Variants in CADPS observed in about 807,000 individuals in gnomAD.
The protein encoded by CADPS is calcium-dependent secretion activator 1.
In CADPS, 57 loss-of-function variants were observed where a neutral mutation model predicts 167.3. The observed-to-expected ratio is 0.34, with a 90% CI of 0.28 to 0.42. CADPS has a LOEUF of 0.42. Among genes scored for constraint, CADPS ranks in the 20% least tolerant of loss-of-function variants. CADPS has a pLI of 1.00. For missense variants in CADPS, 1,414 were observed against 1,738.1 expected, an observed-to-expected ratio of 0.81 and a Z score of 3.32; for synonymous variants, 676 against 635.3, an observed-to-expected ratio of 1.06 and a Z score of -0.96.
In CADPS at chr3:62,478,976, G is replaced by T. The variant is rs374502906; in HGVS notation, c.3174-560C>A. On this transcript the variant is annotated intron_variant, in intron 22 of 29. Coordinates refer to ENST00000383710, the MANE Select transcript of CADPS (RefSeq NM_003716.4). This position sits in a 1 kb window ranked among gnomAD's most constrained non-coding sequence, Gnocchi z 5.7. ...AATTAGGGTGACTCAGATCAAGAGGGGTACACCTGGATACCTTGATTCCAA... is the reference window on the plus strand; with the variant it reads ...AATTAGGGTGACTCAGATCAAGAGGTGTACACCTGGATACCTTGATTCCAA... Among the ~76,000 whole-genome samples the T allele has an allele frequency of 3.3e-5, 5 of 152,274 alleles. No homozygotes were observed. In the South Asian group the frequency reaches 1.0e-3, roughly 32 times the overall value.
intron 6 of CADPS, among the ~76,000 whole-genome samples, chr3:62,637,560 C>T (rs1332078327): frequency 1.3e-5 from 2 of 152,130 alleles, no homozygotes; most frequent in African/African-American, 2.4e-5. Flanking sequence ...CTGGTGTGTG[C>T]GCCAGCACGT....
intron 3 of CADPS, among the ~76,000 whole-genome samples, chr3:62,714,353 T>C (rs747658350): frequency 7.9e-5 from 12 of 152,232 alleles, no homozygotes; most frequent in Non-Finnish European, 1.5e-4. Flanking sequence ...CTGGGTACTG[T>C]ACATGTTTCT....
At chr3:62,650,811 G>T in intron 5 of CADPS, 36 bp downstream of exon 5, 1 of 1,534,200 alleles carries the variant, frequency 6.5e-7, no homozygotes, top group Non-Finnish European at 9.0e-7. Flanking sequence ...CCTACTTGCT[G>T]TGCCAAGAAA....
intron 1 of CADPS, among the ~76,000 whole-genome samples, chr3:62,790,700 T>C (rs1272431028): frequency 6.6e-6 from 1 of 152,206 alleles, no homozygotes; most frequent in Non-Finnish European, 1.5e-5. Context: ...TTTTTAAGGA[T>C]ATTGTCAATG....
chr3:62,573,611 T>A (rs2152472253), intron 8 of CADPS, among the ~76,000 whole-genome samples: 1 of 152,334 alleles, frequency 6.6e-6, no homozygotes, highest in Middle Eastern at 3.4e-3. Flanking sequence ...GACCACACCA[T>A]AAAAATTCAC....
chr3:62,667,799 T>TG (rs1262065048), intron 3 of CADPS, among the ~76,000 whole-genome samples: 2 of 143,040 alleles, frequency 1.4e-5, no homozygotes, highest in African/African-American at 5.2e-5. Flanking sequence ...ATTTTGGGGG[T>TG]GGGGGGAGAC....
chr3:62,659,148 A>G (rs1429854801), intron 4 of CADPS, among the ~76,000 whole-genome samples: 2 of 152,108 alleles, frequency 1.3e-5, no homozygotes, highest in East Asian at 3.9e-4. Flanking sequence ...ATATCCAGGA[A>G]TTTCTGGTTA....
chr3:62,863,608 G>A (rs577405111), intron 1 of CADPS, among the ~76,000 whole-genome samples: 59 of 152,260 alleles, frequency 3.9e-4, no homozygotes, highest in Non-Finnish European at 7.2e-4. Flanking sequence ...AGTGAAGGGT[G>A]TGTGCAGGAA....
At chr3:62,745,913 A>G (rs1170086679) in intron 3 of CADPS, among the ~76,000 whole-genome samples, 2 of 152,240 alleles carry the variant, frequency 1.3e-5, no homozygotes, top group Non-Finnish European at 1.5e-5. Flanking sequence ...GAGATAGACA[A>G]TAATAGAAAA....
intron 1 of CADPS, among the ~76,000 whole-genome samples, chr3:62,792,157 T>C (rs1308317085): frequency 2.0e-5 from 3 of 151,970 alleles, no homozygotes; most frequent in African/African-American, 7.3e-5. Flanking sequence ...TTATATAAAA[T>C]GTCAAAAGAG....
intron 6 of CADPS, among the ~76,000 whole-genome samples, chr3:62,631,180 A>G (rs1330895490): frequency 6.6e-6 from 1 of 152,050 alleles, no homozygotes; most frequent in Admixed American, 6.6e-5. Flanking sequence ...ACTTTTTCCT[A>G]GAGCCTGGAA....
intron 11 of CADPS, among the ~76,000 whole-genome samples, chr3:62,541,479 A>G (rs79516455): frequency 2.6e-5 from 4 of 152,172 alleles, no homozygotes; most frequent in Non-Finnish European, 5.9e-5. Flanking sequence ...AATTTCAAGC[A>G]CTGTCAATGG....
At chr3:62,587,290 T>C (rs2084852948) in intron 7 of CADPS, among the ~76,000 whole-genome samples, 1 of 152,230 alleles carries the variant, frequency 6.6e-6, no homozygotes, top group Admixed American at 6.5e-5. Flanking sequence ...AACTGCAACA[T>C]ATCATAGGAC....
chr3:62,588,903 C>T (rs2085280409), intron 7 of CADPS, among the ~76,000 whole-genome samples: 1 of 152,062 alleles, frequency 6.6e-6, no homozygotes, highest in African/African-American at 2.4e-5. Flanking sequence ...GGAATATATA[C>T]ATATGTGCTT....
At chr3:62,628,181 G>A (rs2064485952) in intron 6 of CADPS, among the ~76,000 whole-genome samples, 1 of 152,186 alleles carries the variant, frequency 6.6e-6, no homozygotes, top group Non-Finnish European at 1.5e-5. Flanking sequence ...GTGCAGAGGA[G>A]TAAGGCATTA....
At chr3:62,784,279 C>T (rs2092146502) in intron 1 of CADPS, among the ~76,000 whole-genome samples, 1 of 152,114 alleles carries the variant, frequency 6.6e-6, no homozygotes, top group African/African-American at 2.4e-5. Flanking sequence ...TGATCACCTT[C>T]CAAGGATGTT....
intron 2 of CADPS, among the ~76,000 whole-genome samples, chr3:62,755,587 G>A (rs1158284898): frequency 2.6e-5 from 4 of 152,242 alleles, no homozygotes; most frequent in South Asian, 4.1e-4. Context: ...ATCACAAAGC[G>A]TTTCTGGGGT....
intron 1 of CADPS, among the ~76,000 whole-genome samples, chr3:62,856,626 T>C (rs772759801): frequency 1.1e-4 from 16 of 151,972 alleles, no homozygotes; most frequent in Non-Finnish European, 1.8e-4. Flanking sequence ...ATAGTTATGG[T>C]ACAGGAAGAG....
chr3:62,862,908 C>T (rs557742600), intron 1 of CADPS, among the ~76,000 whole-genome samples: 1 of 152,294 alleles, frequency 6.6e-6, no homozygotes, highest in South Asian at 2.1e-4. Context: ...CTGGACCTAA[C>T]TTTTACTTGT....
Sources: allele counts gnomAD v4.1 joint callset (sites outside exome capture counted in the v4.1 genomes callset), GRCh38; gene constraint gnomAD v4.1.1; non-coding constraint Gnocchi (gnomAD v3.1); transcripts MANE v1.5; gene names NCBI Gene and HGNC (gene_info 2026-07-23, HGNC 2026-07-21).